The following GRIA3 variants were observed in gnomAD, a reference collection of about 807,000 sequenced individuals.
GRIA3 encodes the protein glutamate ionotropic receptor AMPA type subunit 3, also known as glutamate receptor 3.
GRIA3 carries 3 observed loss-of-function variants against 63.0 expected under a neutral mutation model. That is an observed-to-expected ratio of 0.05 (90% CI 0.02 to 0.12). The LOEUF (loss-of-function observed/expected upper bound fraction) is 0.12, where lower values mean the gene tolerates loss of function less well. Among genes scored for constraint, GRIA3 ranks in the 10% least tolerant of loss-of-function variants. GRIA3 has a pLI of 1.00. For missense variants in GRIA3, 347 were observed against 700.9 expected (o/e 0.50, Z 5.70); for synonymous variants, 274 against 257.9 (o/e 1.06, Z -0.60).
intron 5 of GRIA3, among the ~76,000 whole-genome samples, chrX:123,366,863 T>G (rs1258014738): frequency 9.0e-6 from 1 of 111,636 alleles, no homozygotes; most frequent in Non-Finnish European, 1.9e-5. Context: ...TTATTCAAAG[T>G]GAATTCAGGT....
chrX:123,473,296 CT>C (rs2045872454), intron 13 of GRIA3, among the ~76,000 whole-genome samples: 1 of 112,581 alleles, frequency 8.9e-6, no homozygotes, highest in South Asian at 3.7e-4. Flanking sequence ...CCTTAAACAG[CT>C]GCTATATGGA....
intron 5 of GRIA3, among the ~76,000 whole-genome samples, chrX:123,373,090 C>T (rs1298652783): frequency 1.8e-5 from 2 of 109,462 alleles, no homozygotes; most frequent in Non-Finnish European, 3.8e-5. Context: ...TGTTCAATTC[C>T]CACCTATGAG....
chrX:123,201,706 A>T (rs1927746129), intron 2 of GRIA3, among the ~76,000 whole-genome samples: 2 of 111,813 alleles, frequency 1.8e-5, no homozygotes, highest in Admixed American at 9.5e-5. Context: ...TCAAAAAAAA[A>T]AAAGTAGTAA....
chrX:123,379,674 AG>A (rs2045310065), intron 5 of GRIA3, among the ~76,000 whole-genome samples: 1 of 51,311 alleles, frequency 1.9e-5, no homozygotes, highest in Non-Finnish European at 3.5e-5. Context: ...TTTAAGTTTT[AG>A]GGTACATGTG....
chrX:123,264,335 C>T (rs1336519760), intron 3 of GRIA3, among the ~76,000 whole-genome samples: 1 of 111,719 alleles, frequency 9.0e-6, no homozygotes, highest in Non-Finnish European at 1.9e-5. Context: ...TGATTTTAAT[C>T]AGTAATATAC....
chrX:123,398,600 TATCATGATATCTTGTTTTTC>T lies in GRIA3; in HGVS notation c.913-33_913-14del. 1 of 1,121,825 alleles carries T rather than the reference TATCATGATATCTTGTTTTTC, an allele frequency of 8.9e-7. No individual in the cohort carries two copies. The highest frequency in any genetic ancestry group is 1.2e-6 in the Non-Finnish European group (1 of 815,556). The allele number at this position is 1,121,825 out of a possible 1,213,427, so 92.5% of individuals were successfully genotyped here. ...CAAGGCAAATTTTGAGGGTATCATT[TATCATGATATCTTGTTTTTC>T]ATGCATCCATTTCAGTATACATCTG... On this transcript the variant is annotated splice_polypyrimidine_tract_variant and intron_variant, in intron 6 of 15. Transcript: ENST00000620443.
intron 4 of GRIA3, among the ~76,000 whole-genome samples, chrX:123,340,456 T>A (rs1043162380): frequency 1.3e-4 from 15 of 111,832 alleles, no homozygotes; most frequent in African/African-American, 4.9e-4. Context: ...ACATGTGCCC[T>A]AAGTTGGGTA....
intron 3 of GRIA3, among the ~76,000 whole-genome samples, chrX:123,302,765 C>A (rs901299332): frequency 9.0e-6 from 1 of 111,183 alleles, no homozygotes; most frequent in Admixed American, 9.6e-5. Flanking sequence ...AATACTGAAA[C>A]CTTTCCCTAT....
chrX:123,447,527 G>A (rs187728009), intron 12 of GRIA3, among the ~76,000 whole-genome samples: 98 of 111,663 alleles, frequency 8.8e-4, no homozygotes, highest in African/African-American at 3.1e-3. Context: ...TCTGTTCGAC[G>A]GTGGTAATAA....
At chrX:123,297,326 C>T (rs1190336271) in intron 3 of GRIA3, among the ~76,000 whole-genome samples, 1 of 111,958 alleles carries the variant, frequency 8.9e-6, no homozygotes, top group African/African-American at 3.2e-5. Context: ...TTATTAGGCA[C>T]TAGATAGAAT....
intron 10 of GRIA3, among the ~76,000 whole-genome samples, chrX:123,406,011 C>T (rs900870444): frequency 7.1e-5 from 8 of 112,202 alleles, no homozygotes; most frequent in Non-Finnish European, 1.3e-4. Context: ...ATCTATAGTC[C>T]AACTGCAAAA....
chrX:123,335,120 A>G (rs997674016), intron 4 of GRIA3, among the ~76,000 whole-genome samples: 6 of 110,551 alleles, frequency 5.4e-5, no homozygotes, highest in African/African-American at 2.0e-4. Context: ...GCTGGTGACC[A>G]TCATTGATTT....
chrX:123,335,184 T>A (rs183233027), intron 4 of GRIA3, among the ~76,000 whole-genome samples: 1 of 110,968 alleles, frequency 9.0e-6, no homozygotes, highest in East Asian at 2.8e-4. Flanking sequence ...TTGCTGAGAC[T>A]TGGAGACAGA....
intron 12 of GRIA3, among the ~76,000 whole-genome samples, chrX:123,445,996 T>C (rs1259589331): frequency 1.8e-5 from 2 of 112,162 alleles, no homozygotes; most frequent in African/African-American, 6.5e-5. Flanking sequence ...GAAAGGAACA[T>C]TTAAAAGTGT....
At chrX:123,418,890 C>G (rs1429140432) in intron 11 of GRIA3, among the ~76,000 whole-genome samples, 1 of 112,286 alleles carries the variant, frequency 8.9e-6, no homozygotes, top group Non-Finnish European at 1.9e-5. Context: ...CACAGCAATT[C>G]TATTCTTAGC....
At chrX:123,228,598 G>T in intron 2 of GRIA3, among the ~76,000 whole-genome samples, 1 of 111,783 alleles carries the variant, frequency 8.9e-6, no homozygotes, top group African/African-American at 3.3e-5. Flanking sequence ...ACCATTGAGT[G>T]TACTGCCTGG....
intron 2 of GRIA3, among the ~76,000 whole-genome samples, chrX:123,208,106 T>A (rs1927941734): frequency 8.9e-6 from 1 of 112,733 alleles, no homozygotes; most frequent in Admixed American, 9.3e-5. Flanking sequence ...GGGTATCAAG[T>A]TATTCAAAAG....
chrX:123,324,594 T>C (rs1282541891), intron 3 of GRIA3, among the ~76,000 whole-genome samples: 1 of 112,142 alleles, frequency 8.9e-6, no homozygotes, highest in Non-Finnish European at 1.9e-5. Flanking sequence ...GAAATAAATA[T>C]GCGTGGTTGG....
rs1177387904 is a variant in GRIA3 at position 123,473,081 on chromosome X, T to A, written c.2325-6982T>A. ...TGAGGATTATTTAGGTTGCCAGAGTTCAGTAATGCCAGCAGCCATATATGC... is the reference window on the plus strand; with the variant it reads ...TGAGGATTATTTAGGTTGCCAGAGTACAGTAATGCCAGCAGCCATATATGC... On this transcript the variant is annotated intron_variant, in intron 13 of 15. Coordinates refer to ENST00000620443, the MANE Select transcript of GRIA3 (RefSeq NM_007325.5). Among the ~76,000 whole-genome samples the A allele has an allele frequency of 6.2e-5, 7 of 112,340 alleles. No homozygotes were observed. In the Admixed American group the frequency reaches 6.6e-4, roughly 11 times the overall value.
Sources: allele counts gnomAD v4.1 joint callset (sites outside exome capture counted in the v4.1 genomes callset), GRCh38; gene constraint gnomAD v4.1.1; transcripts MANE v1.5; gene names NCBI Gene and HGNC (gene_info 2026-07-23, HGNC 2026-07-21).